Variants in TLE5 observed in about 807,000 individuals in gnomAD.
TLE5 encodes TLE family member 5.
In TLE5, 7 loss-of-function variants were observed where a neutral mutation model predicts 25.8. The observed-to-expected ratio is 0.27, with a 90% CI of 0.15 to 0.51. TLE5 has a LOEUF of 0.51. TLE5 is among the 20% of genes least tolerant of loss of function. The pLI is 0.97. For synonymous variants in TLE5, 132 were observed against 110.5 expected, an observed-to-expected ratio of 1.20 and a Z score of -1.22; for missense variants, 149 against 250.7, an observed-to-expected ratio of 0.59 and a Z score of 2.74.
Position 3,055,745 on chromosome 19 carries a change from G to A in TLE5, c.235-19C>T, listed in dbSNP as rs1041716522. On this transcript the variant is annotated intron_variant, in intron 4 of 6. Transcript: ENST00000327141. ...TCTCAGCCTGGAACACACAGATGAA[G>A]CCGGCTTCAGTCCTGGGCGGGTGGC... 6.3e-6 allele frequency: 10 copies of A among 1,598,406 alleles called. No individual in the cohort carries two copies. In the Admixed American group the frequency reaches 8.7e-5, roughly 14 times the overall value.
chr19:3,060,903 T>C (rs2090260947), intron 2 of TLE5: 3 of 283,644 alleles, frequency 1.1e-5, no homozygotes, highest in South Asian at 9.8e-5. Flanking sequence ...CTTGGGGGTA[T>C]TGGGGAGGAG....
chr19:3,059,619 C>A (rs760621049), intron 2 of TLE5, among the ~76,000 whole-genome samples: 1 of 152,202 alleles, frequency 6.6e-6, no homozygotes, highest in African/African-American at 2.4e-5. Context: ...GGGGCTGTTA[C>A]GCCTCGAACA....
At chr19:3,055,993 C>T (rs1346147251) in intron 4 of TLE5, 2 of 515,610 alleles carry the variant, frequency 3.9e-6, no homozygotes, top group African/African-American at 2.0e-5. Flanking sequence ...CCTCGGGGGT[C>T]GGCCACTCAG....
rs1484391413 is a variant in TLE5 at position 3,056,270 on chromosome 19, GGAAGGA to G, written c.234+36_234+41del. ...GGGGCTGGAGGTGGGGGGAGGAGGG[GGAAGGA>G]GGAGGAGGAGGAGGAGGAGGAGGAG... On this transcript the variant is annotated intron_variant, in intron 4 of 6. Transcript: ENST00000327141. 442 of 1,409,244 alleles carry G rather than the reference GGAAGGA, an allele frequency of 3.1e-4. 1 individual carries two copies. The East Asian group carries it at 3.7e-3, about 12-fold the overall frequency. 87.3% of individuals were successfully genotyped at this position (1,409,244 alleles called of 1,614,324 possible). A position where few individuals can be genotyped will look rare whatever the true frequency, so the allele number is the denominator to read the frequency against.
At position 3,053,809 on chromosome 19, in the gene TLE5, C is replaced by T. The variant is rs748233473; in HGVS notation, c.*10G>A. 32 of 1,612,288 alleles carry T rather than the reference C, an allele frequency of 2.0e-5. No homozygotes were observed. Among genetic ancestry groups the T allele is most frequent in the East Asian group, 4.5e-5 (2 of 44,882 alleles). ...GTCCCCCCTCCCAACCTCCCTGTCC[C>T]GGCCCCCTGCTAATCCGACTTCTCG... On this transcript the variant is annotated 3_prime_UTR_variant, in exon 7 of 7. Transcript: ENST00000327141.
rs1279539567 is a variant in TLE5 at position 3,054,123 on chromosome 19, G to A, written c.369C>T (p.Ile123=). The A allele has an allele frequency of 7.7e-7, 1 of 1,300,330 alleles. No homozygotes were observed. The highest frequency in any genetic ancestry group is 1.9e-5 in the Admixed American group (1 of 51,454). The allele number at this position is 1,300,330 out of a possible 1,614,324, so 80.5% of individuals were successfully genotyped here. Residue 123 remains isoleucine (I), a synonymous_variant, in exon 6 of 7, where the codon ATC becomes ATT. Transcript: ENST00000327141. ...QVTAPELNSI[I]RQQLQAHQLS... Reference sequence around the variant, plus strand: ...CCGCCCAGGTCCCCATACATACTCGGATGATAGAGTTCAGCTCGGGAGCGG... The same window carrying A: ...CCGCCCAGGTCCCCATACATACTCGAATGATAGAGTTCAGCTCGGGAGCGG...
intron 2 of TLE5, 103 bp downstream of exon 2, chr19:3,061,057 A>G (rs1172722203): frequency 3.6e-6 from 3 of 826,128 alleles, no homozygotes; most frequent in Admixed American, 3.7e-5. Context: ...AGTCTAGCAT[A>G]TATTATTTTC....
intron 5 of TLE5, 83 bp downstream of exon 5, chr19:3,055,581 A>C: frequency 7.5e-7 from 1 of 1,330,244 alleles, no homozygotes; most frequent in Non-Finnish European, 1.0e-6. Context: ...CGCCCAGCAC[A>C]CCACCCAAGA....
At chr19:3,060,393 C>A (rs1017609747) in intron 2 of TLE5, among the ~76,000 whole-genome samples, 14 of 130,692 alleles carry the variant, frequency 1.1e-4, no homozygotes, top group Non-Finnish European at 2.0e-4. Context: ...AGAGCAGTGG[C>A]TCCATCTCTG....
upstream of TLE5, chr19:3,062,594 C>G (rs1176394819): frequency 2.0e-6 from 2 of 1,001,566 alleles, no homozygotes; most frequent in Non-Finnish European, 2.4e-6. Flanking sequence ...CCGGGGAGGC[C>G]TGCGGATCCC....
chr19:3,053,754 C>A lies in TLE5; in HGVS notation c.*65G>T. The A allele has an allele frequency of 1.3e-6, 2 of 1,526,724 alleles. No homozygotes were observed. Among genetic ancestry groups the A allele is most frequent in the South Asian group, 1.2e-5 (1 of 85,706 alleles). 94.6% of individuals were successfully genotyped at this position (1,526,724 alleles called of 1,614,324 possible). On this transcript the variant is annotated 3_prime_UTR_variant, in exon 7 of 7. Coordinates refer to ENST00000327141, the MANE Select transcript of TLE5 (RefSeq NM_001130.6). The stretch of plus-strand genomic sequence containing the variant: ...TCCGCTGTGTCTTGTGCTAAACATT[C>A]CTTTCTCTCCGTGCCTCTGTCTCCC...
intron 5 of TLE5, chr19:3,054,570 C>A: frequency 3.4e-6 from 1 of 296,182 alleles, no homozygotes; most frequent in Non-Finnish European, 6.5e-6. Flanking sequence ...CACAACCTGC[C>A]CAACTGTACA....
At chr19:3,059,500 G>A (rs761994718) in intron 2 of TLE5, among the ~76,000 whole-genome samples, 2 of 152,124 alleles carry the variant, frequency 1.3e-5, no homozygotes, top group Admixed American at 6.5e-5. Flanking sequence ...CCAGCCTGGC[G>A]ACAGAGCAAG....
At chr19:3,057,400 C>A (rs2090228489) in intron 3 of TLE5, 1 of 464,588 alleles carries the variant, frequency 2.2e-6, no homozygotes, top group Non-Finnish European at 3.9e-6. Context: ...GGTGAGCCTC[C>A]CTCTCCTCCC....
At chr19:3,057,870 G>T in intron 2 of TLE5, 128 bp from the exon 3 acceptor site, 1 of 819,334 alleles carries the variant, frequency 1.2e-6, no homozygotes. Context: ...CCAATTCTCA[G>T]AGGGTCAAGC....
chr19:3,055,664 C>G lies in TLE5; in HGVS notation c.297G>C (p.Glu99Asp). ...CAQVLPYLSQ[E>D]HQQQVLGAIE... Reference sequence around the variant, plus strand: ...CCCTCCCCAAGGCCCTGGCTCTTACCTCTTGGGAGAGGTAGGGCAGGACCT... The same window carrying G: ...CCCTCCCCAAGGCCCTGGCTCTTACGTCTTGGGAGAGGTAGGGCAGGACCT... Residue 99 changes from glutamate (E) to aspartate (D), a missense_variant and splice_region_variant, in exon 5 of 7, where the codon GAG becomes GAC. Glu to Asp is a conservative substitution (Grantham distance 45). Transcript: ENST00000327141. 6.2e-7 allele frequency: 1 copy of G among 1,600,192 alleles called. No homozygotes were observed. Among genetic ancestry groups the G allele is most frequent in the Non-Finnish European group, 8.5e-7 (1 of 1,173,730 alleles).
At chr19:3,055,590 G>C in intron 5 of TLE5, 74 bp downstream of exon 5, 1 of 1,407,506 alleles carries the variant, frequency 7.1e-7, no homozygotes, top group African/African-American at 1.4e-5. Context: ...CACCACCCAA[G>C]ATGGCTGCAG....
At chr19:3,056,501 C>G in intron 3 of TLE5, 145 bp from the exon 4 acceptor site, 1 of 594,518 alleles carries the variant, frequency 1.7e-6, no homozygotes, top group South Asian at 1.8e-5. Flanking sequence ...AAAGGAGAGG[C>G]AGGTGGGAGG....
intron 2 of TLE5, chr19:3,060,925 G>C: frequency 3.0e-6 from 1 of 334,028 alleles, no homozygotes; most frequent in Non-Finnish European, 5.8e-6. Flanking sequence ...GAGGGGCTCT[G>C]AAGCCACACA....
Sources: allele counts gnomAD v4.1 joint callset (sites outside exome capture counted in the v4.1 genomes callset), GRCh38; gene constraint gnomAD v4.1.1; transcripts MANE v1.5; gene names NCBI Gene and HGNC (gene_info 2026-07-23, HGNC 2026-07-21).